The following INPP5A variants were observed in gnomAD, a reference collection of about 807,000 sequenced individuals.
The protein encoded by INPP5A is inositol polyphosphate-5-phosphatase A, also known as 43 kDa inositol polyphosphate 5-phophatase.
INPP5A carries 14 observed loss-of-function variants against 65.2 expected under a neutral mutation model. The observed-to-expected ratio is 0.21, with a 90% confidence interval of 0.14 to 0.34. The LOEUF (loss-of-function observed/expected upper bound fraction) is 0.34, where lower values mean the gene tolerates loss of function less well. Among genes scored for constraint, INPP5A ranks in the 10% least tolerant of loss-of-function variants. The pLI is 1.00. For missense variants in INPP5A, 431 were observed against 545.6 expected (o/e 0.79, Z 2.09); for synonymous variants, 207 against 208.3 (o/e 0.99, Z 0.05).
rs2072372289 is a variant in INPP5A at position 132,637,507 on chromosome 10, T to G, written c.118-8361T>G. Among the ~76,000 whole-genome samples, 1 of 152,156 alleles carries G rather than the reference T, an allele frequency of 6.6e-6. No individual in the cohort carries two copies. Among genetic ancestry groups the G allele is most frequent in the Non-Finnish European group, 1.5e-5 (1 of 68,038 alleles). The stretch of plus-strand genomic sequence containing the variant: ...GGGTCCCTGATCCTCCAAATGTTCC[T>G]CCTTCTCTGCCTGTCTCCCACGGTC... On this transcript the variant is annotated intron_variant, in intron 2 of 15. Coordinates refer to ENST00000368594, the MANE Select transcript of INPP5A (RefSeq NM_005539.5). This position sits in a 1 kb window ranked among gnomAD's most constrained non-coding sequence, Gnocchi z 4.1.
Position 132,627,758 on chromosome 10 carries a change from C to T in INPP5A, c.118-18110C>T, listed in dbSNP as rs1026722258. Among the ~76,000 whole-genome samples, 1 of 152,106 alleles carries T rather than the reference C, an allele frequency of 6.6e-6. No individual in the cohort carries two copies. Among genetic ancestry groups the T allele is most frequent in the African/African-American group, 2.4e-5 (1 of 41,400 alleles). On this transcript the variant is annotated intron_variant, in intron 2 of 15. Transcript: ENST00000368594. This position sits in a 1 kb window ranked among gnomAD's most constrained non-coding sequence, Gnocchi z 6.6. ...AGATGCCACAGGGCCTCCTCTTCCC[C>T]GTGAAAAGCTTCAGACTTTCTTCAT...
intron 1 of INPP5A, among the ~76,000 whole-genome samples, chr10:132,597,804 C>T (rs570880782): frequency 1.3e-4 from 18 of 138,274 alleles, no homozygotes; most frequent in African/African-American, 4.0e-4. Context: ...GGCTGTGCTA[C>T]GCGTAGTGAC....
intron 11 of INPP5A, among the ~76,000 whole-genome samples, chr10:132,752,687 G>A (rs1318664481): frequency 2.2e-5 from 3 of 139,108 alleles, no homozygotes; most frequent in Non-Finnish European, 4.8e-5. Flanking sequence ...GAGGGGGTGC[G>A]GCATGGAGGG....
intron 11 of INPP5A, among the ~76,000 whole-genome samples, chr10:132,760,124 A>G (rs548699197): frequency 2.0e-5 from 3 of 152,142 alleles, no homozygotes; most frequent in East Asian, 1.9e-4. Flanking sequence ...AGCTCCAGCT[A>G]CTCGTTCCCT....
chr10:132,738,760 G>T (rs770867677), intron 9 of INPP5A, among the ~76,000 whole-genome samples: 3 of 152,240 alleles, frequency 2.0e-5, no homozygotes, highest in African/African-American at 7.2e-5. Flanking sequence ...CTGGGTGGCC[G>T]TTGACAATGA....
intron 4 of INPP5A, among the ~76,000 whole-genome samples, chr10:132,665,968 T>C: frequency 6.6e-6 from 1 of 151,336 alleles, no homozygotes; most frequent in East Asian, 1.9e-4. Context: ...GGCTGGAGGA[T>C]CGTGTGAGCC....
At chr10:132,612,495 G>C (rs568388358) in intron 2 of INPP5A, among the ~76,000 whole-genome samples, 1 of 151,698 alleles carries the variant, frequency 6.6e-6, no homozygotes, top group Admixed American at 6.6e-5. Flanking sequence ...CTGTTTTGGG[G>C]GTTCGGGGAG....
Position 132,705,779 on chromosome 10 carries a change from G to T in INPP5A, c.475-2534G>T, listed in dbSNP as rs1209110871. On this transcript the variant is annotated intron_variant, in intron 6 of 15. Coordinates refer to ENST00000368594, the MANE Select transcript of INPP5A (RefSeq NM_005539.5). This position sits in a 1 kb window ranked among gnomAD's most constrained non-coding sequence, Gnocchi z 4.9. Reference sequence around the variant, plus strand: ...GTCTGTGGGTGCCTCAGTATCACTGGGGAGCAGAGAGCCCAGACCTTTTAC... The same window carrying T: ...GTCTGTGGGTGCCTCAGTATCACTGTGGAGCAGAGAGCCCAGACCTTTTAC... 2.0e-5 allele frequency among the ~76,000 whole-genome samples: 3 copies of T among 152,160 alleles called. No homozygotes were observed. Among genetic ancestry groups the T allele is most frequent in the Non-Finnish European group, 4.4e-5 (3 of 68,030 alleles).
Position 132,663,925 on chromosome 10 carries a change from C to T in INPP5A, c.306+13420C>T, listed in dbSNP as rs768989624. 2.0e-4 allele frequency among the ~76,000 whole-genome samples: 30 copies of T among 152,240 alleles called. No individual in the cohort carries two copies. The highest frequency in any genetic ancestry group is 3.4e-4 in the Non-Finnish European group (23 of 68,044). ...CCAAGGTGCCTCGTGGGCAGCCGAT[C>T]CATCAGGCGGCCGACAGGCGTGATC... On this transcript the variant is annotated intron_variant, in intron 4 of 15. Coordinates refer to ENST00000368594, the MANE Select transcript of INPP5A (RefSeq NM_005539.5). The surrounding 1 kb of genome is among the most constrained non-coding windows in gnomAD (Gnocchi z 4.5).
At chr10:132,605,229 G>A (rs571628408) in intron 1 of INPP5A, among the ~76,000 whole-genome samples, 58 of 122,078 alleles carry the variant, frequency 4.8e-4, no homozygotes, top group African/African-American at 1.8e-3. Flanking sequence ...GGCTGGGGAT[G>A]GGGAAGAAGT....
intron 1 of INPP5A, among the ~76,000 whole-genome samples, chr10:132,548,470 G>C (rs1443247617): frequency 6.6e-6 from 1 of 152,190 alleles, no homozygotes; most frequent in Non-Finnish European, 1.5e-5. Context: ...TTTTGTGTTT[G>C]CGCGTTTAAC....
rs2134607301 is a variant in INPP5A at position 132,736,714 on chromosome 10, A to G, written c.732+9809A>G. The stretch of plus-strand genomic sequence containing the variant: ...GCATAAGCCCAGGCCCAGACCTCAG[A>G]CATTCCTGGCGCCCAGGCGTCCTTC... On this transcript the variant is annotated intron_variant, in intron 9 of 15. Coordinates refer to ENST00000368594, the MANE Select transcript of INPP5A (RefSeq NM_005539.5). Among the ~76,000 whole-genome samples, 6 of 152,344 alleles carry G rather than the reference A, an allele frequency of 3.9e-5. 2 individuals carry two copies. In the South Asian group the frequency reaches 1.2e-3, roughly 32 times the overall value.
intron 5 of INPP5A, among the ~76,000 whole-genome samples, chr10:132,696,766 C>T (rs1025498334): frequency 3.9e-5 from 6 of 152,220 alleles, no homozygotes; most frequent in Non-Finnish European, 8.8e-5. Flanking sequence ...CAGGACTGTG[C>T]GCCTAGGGCT....
intron 2 of INPP5A, among the ~76,000 whole-genome samples, chr10:132,611,567 G>GTTCAT (rs2071951427): frequency 1.5e-5 from 2 of 130,254 alleles, no homozygotes; most frequent in African/African-American, 2.9e-5. Flanking sequence ...GAGGTGGGAA[G>GTTCAT]GGGAGAGGCC....
chr10:132,615,173 C>T (rs147650228), intron 2 of INPP5A, among the ~76,000 whole-genome samples: 59 of 152,308 alleles, frequency 3.9e-4, no homozygotes, highest in African/African-American at 1.3e-3. Context: ...CACAGTGGCC[C>T]GATCCACGTC....
At chr10:132,669,462 G>A (rs919397245) in intron 4 of INPP5A, among the ~76,000 whole-genome samples, 1 of 152,206 alleles carries the variant, frequency 6.6e-6, no homozygotes, top group Non-Finnish European at 1.5e-5. Context: ...ACCACAGAAC[G>A]AGAGGGAGCT....
At chr10:132,765,346 T>C (rs1188190980) in intron 11 of INPP5A, among the ~76,000 whole-genome samples, 1 of 152,238 alleles carries the variant, frequency 6.6e-6, no homozygotes, top group Non-Finnish European at 1.5e-5. Context: ...CCATTTTCCC[T>C]GACCTGTTCT....
At chr10:132,582,602 G>C (rs766340216) in intron 1 of INPP5A, among the ~76,000 whole-genome samples, 1 of 152,032 alleles carries the variant, frequency 6.6e-6, no homozygotes, top group African/African-American at 2.4e-5. Flanking sequence ...AATAATTTTT[G>C]TAGAGATGGG....
At chr10:132,607,704 C>G (rs1351720155) in intron 1 of INPP5A, among the ~76,000 whole-genome samples, 3 of 152,252 alleles carry the variant, frequency 2.0e-5, no homozygotes, top group African/African-American at 7.2e-5. Context: ...GCACCATGTC[C>G]CTGGGACAGC....
Sources: gnomAD v4.1 joint callset for allele counts (sites outside exome capture counted in the v4.1 genomes callset) on GRCh38, gnomAD v4.1.1 for gene constraint, Gnocchi (gnomAD v3.1) non-coding constraint, MANE v1.5 for transcripts, NCBI Gene and HGNC (gene_info 2026-07-23, HGNC 2026-07-21) for gene names.